THSD4: variants seen among roughly 807,000 people sequenced by gnomAD.
THSD4 encodes thrombospondin type 1 domain containing 4.
THSD4 carries 69 observed loss-of-function variants against 119.0 expected under a neutral mutation model. That is an observed-to-expected ratio of 0.58 (90% CI 0.48 to 0.71). THSD4 has a LOEUF of 0.71. Ranked by LOEUF, THSD4 falls within the 30% of genes least tolerant of loss-of-function variation. The probability of loss-of-function intolerance (pLI) is 0.00; values close to 1 mark genes in which losing one functional copy is unlikely to be tolerated. For missense variants in THSD4, 1,393 were observed against 1,391.1 expected, an observed-to-expected ratio of 1.00 and a Z score of -0.02; for synonymous variants, 524 against 540.4, an observed-to-expected ratio of 0.97 and a Z score of 0.42.
chr15:71,373,994 CTG>C (rs1240464675), intron 6 of THSD4, among the ~76,000 whole-genome samples: 1 of 152,196 alleles, frequency 6.6e-6, no homozygotes, highest in Non-Finnish European at 1.5e-5. Context: ...TATGTGAACA[CTG>C]GACTGAATTC....
chr15:71,494,312 G>T (rs967320801), intron 7 of THSD4, among the ~76,000 whole-genome samples: 1 of 152,064 alleles, frequency 6.6e-6, no homozygotes, highest in South Asian at 2.1e-4. Context: ...GCTCATCTCT[G>T]TCCCCATCTT....
At chr15:71,241,898 T>G (rs1355852641) in intron 4 of THSD4, among the ~76,000 whole-genome samples, 1 of 152,194 alleles carries the variant, frequency 6.6e-6, no homozygotes, top group Non-Finnish European at 1.5e-5. Flanking sequence ...TATGAGATTT[T>G]TTTTTGCAAT....
intron 7 of THSD4, among the ~76,000 whole-genome samples, chr15:71,637,099 C>G (rs1229989982): frequency 6.6e-6 from 1 of 152,066 alleles, no homozygotes; most frequent in Non-Finnish European, 1.5e-5. Context: ...GTTGGCCAGG[C>G]TGGTCTTGAA....
At chr15:71,118,699 G>A (rs1377570653) in intron 1 of THSD4, among the ~76,000 whole-genome samples, 1 of 152,200 alleles carries the variant, frequency 6.6e-6, no homozygotes, top group African/African-American at 2.4e-5. Flanking sequence ...GAATCGTGAT[G>A]TTTACTTATG....
At chr15:71,291,950 C>T (rs2044798105) in intron 6 of THSD4, among the ~76,000 whole-genome samples, 1 of 152,144 alleles carries the variant, frequency 6.6e-6, no homozygotes, top group Non-Finnish European at 1.5e-5. Flanking sequence ...TCTACCACAT[C>T]CTGCTTTCTT....
rs1567148584 is a variant in THSD4 at position 71,777,456 on chromosome 15, C to T, written c.*82C>T. 23 of 1,517,940 alleles carry T rather than the reference C, an allele frequency of 1.5e-5. No homozygotes were observed. Among genetic ancestry groups the T allele is most frequent in the Non-Finnish European group, 2.0e-5 (23 of 1,133,990 alleles). The allele number at this position is 1,517,940 out of a possible 1,614,324, so 94.0% of individuals were successfully genotyped here. On this transcript the variant is annotated 3_prime_UTR_variant, in exon 18 of 18. Transcript: ENST00000261862. ...GTGCGCCTGGCTGGCTGCTGCTCCACCACGGGCCCCCTGGCCCAGGCGCTG... is the reference window on the plus strand; with the variant it reads ...GTGCGCCTGGCTGGCTGCTGCTCCATCACGGGCCCCCTGGCCCAGGCGCTG...
At chr15:71,562,375 G>T (rs1285457538) in intron 7 of THSD4, among the ~76,000 whole-genome samples, 6 of 148,130 alleles carry the variant, frequency 4.1e-5, no homozygotes, top group African/African-American at 1.6e-4. Context: ...GTTGGAAGGT[G>T]GTAGGAAGGG....
intron 1 of THSD4, among the ~76,000 whole-genome samples, chr15:71,132,013 C>A (rs1369740726): frequency 6.6e-6 from 1 of 152,176 alleles, no homozygotes; most frequent in Non-Finnish European, 1.5e-5. Context: ...TATGTTAAGC[C>A]ATTCACATTT....
At chr15:71,710,899 A>G (rs1347847128) in intron 8 of THSD4, among the ~76,000 whole-genome samples, 2 of 151,818 alleles carry the variant, frequency 1.3e-5, no homozygotes, top group African/African-American at 4.8e-5. Context: ...TCCTGGTTCA[A>G]CTCTTCACCA....
At chr15:71,101,817 G>A (rs1163431898) in intron 1 of THSD4, among the ~76,000 whole-genome samples, 1 of 151,888 alleles carries the variant, frequency 6.6e-6, no homozygotes, top group Non-Finnish European at 1.5e-5. Flanking sequence ...AGGCTCAAGC[G>A]ATTCTCGTGC....
chr15:71,591,283 C>T (rs2049797847), intron 7 of THSD4, among the ~76,000 whole-genome samples: 1 of 152,198 alleles, frequency 6.6e-6, no homozygotes, highest in Admixed American at 6.5e-5. Flanking sequence ...TTGCAATTGG[C>T]TGTCCATGGC....
intron 6 of THSD4, among the ~76,000 whole-genome samples, chr15:71,306,444 T>G (rs972413734): frequency 6.6e-6 from 1 of 152,200 alleles, no homozygotes; most frequent in African/African-American, 2.4e-5. Flanking sequence ...ACACCCAGAT[T>G]TATCTTTCTT....
chr15:71,222,743 G>A (rs1567161973), intron 4 of THSD4, among the ~76,000 whole-genome samples: 1 of 152,144 alleles, frequency 6.6e-6, no homozygotes, highest in Non-Finnish European at 1.5e-5. Context: ...TTGCCCAGGC[G>A]TGCAGACCCA....
At chr15:71,394,580 ACTC>A (rs1039300788) in intron 6 of THSD4, among the ~76,000 whole-genome samples, 6 of 150,272 alleles carry the variant, frequency 4.0e-5, no homozygotes, top group Middle Eastern at 3.2e-3. Context: ...TGGCCTTTTC[ACTC>A]CTCCTCCTCC....
chr15:71,763,817 C>T (rs1426614969), intron 15 of THSD4, among the ~76,000 whole-genome samples: 1 of 150,674 alleles, frequency 6.6e-6, no homozygotes, highest in Non-Finnish European at 1.5e-5. Flanking sequence ...GTAATCCCAG[C>T]ACTTTGAGAG....
intron 7 of THSD4, among the ~76,000 whole-genome samples, chr15:71,412,129 C>T (rs573426797): frequency 1.3e-5 from 2 of 152,324 alleles, no homozygotes; most frequent in South Asian, 4.1e-4. Context: ...CCTTCTTTGC[C>T]TGTGAAACGG....
At chr15:71,467,027 A>C (rs1002718905) in intron 7 of THSD4, among the ~76,000 whole-genome samples, 1 of 152,212 alleles carries the variant, frequency 6.6e-6, no homozygotes, top group Non-Finnish European at 1.5e-5. Context: ...AGTCTTATTC[A>C]ATTCAAATGG....
chr15:71,157,760 C>A (rs2040794085), intron 3 of THSD4, among the ~76,000 whole-genome samples: 2 of 134,522 alleles, frequency 1.5e-5, no homozygotes, highest in Admixed American at 8.3e-5. Flanking sequence ...GCTTATTTCA[C>A]TTTAAACATA....
At chr15:71,622,387 C>T (rs2050433393) in intron 7 of THSD4, among the ~76,000 whole-genome samples, 2 of 152,184 alleles carry the variant, frequency 1.3e-5, no homozygotes, top group South Asian at 4.1e-4. Context: ...AGTTTGTGAA[C>T]TGTTGACTGT....
Sources: allele counts gnomAD v4.1 joint callset (sites outside exome capture counted in the v4.1 genomes callset), GRCh38; gene constraint gnomAD v4.1.1; transcripts MANE v1.5; gene names NCBI Gene and HGNC (gene_info 2026-07-23, HGNC 2026-07-21).